NTRK3: variants seen among roughly 807,000 people sequenced by gnomAD.
NTRK3 encodes NT-3 growth factor receptor.
NTRK3 carries 24 observed loss-of-function variants against 91.7 expected under a neutral mutation model. The observed-to-expected ratio is 0.26, with a 90% CI of 0.19 to 0.37. The LOEUF is 0.37. NTRK3 is among the 10% of genes least tolerant of loss of function. The pLI is 1.00. For missense variants in NTRK3, 880 were observed against 1,068.9 expected (o/e 0.82, Z 2.46); for synonymous variants, 483 against 404.0 (o/e 1.20, Z -2.34).
At position 87,861,688 on chromosome 15, in the gene NTRK3, T is replaced by C. The variant is rs190313235; in HGVS notation, c.*15247A>G. 22 of 195,250 alleles carry C rather than the reference T, an allele frequency of 1.1e-4. No homozygotes were observed. The East Asian group carries it at 1.8e-3, about 16-fold the overall frequency. The allele number at this position is 195,250 out of a possible 1,614,324, so 12.1% of individuals were successfully genotyped here. A position where few individuals can be genotyped will look rare whatever the true frequency, so the allele number is the denominator to read the frequency against. On this transcript the variant is annotated 3_prime_UTR_variant, in exon 19 of 19. Coordinates refer to ENST00000394480, the Ensembl canonical transcript of NTRK3. ...AAGACTTTGGTGTTTGTAGGGCATT[T>C]GCCTTAAGAACCCAGAAGTAGCACT... is the stretch of plus-strand genomic sequence containing the variant.
At chr15:88,094,002 T>C (rs997287172) in intron 13 of NTRK3, among the ~76,000 whole-genome samples, 1 of 152,022 alleles carries the variant, frequency 6.6e-6, no homozygotes, top group South Asian at 2.1e-4. Context: ...GTGCCAGGAT[T>C]TGACCTAAAC....
intron 17 of NTRK3, among the ~76,000 whole-genome samples, chr15:87,924,211 T>C (rs1277150386): frequency 2.0e-5 from 3 of 152,158 alleles, no homozygotes; most frequent in South Asian, 2.1e-4. Context: ...TCAGGAATTA[T>C]AGGAGCAGAG....
intron 13 of NTRK3, among the ~76,000 whole-genome samples, chr15:88,121,643 CCCA>C (rs2052716067): frequency 6.6e-6 from 1 of 152,098 alleles, no homozygotes; most frequent in South Asian, 2.1e-4. Context: ...TGCCCTGAAC[CCCA>C]CAAGTACACA....
chr15:87,990,011 T>G (rs1323589088), intron 14 of NTRK3, among the ~76,000 whole-genome samples: 2 of 152,190 alleles, frequency 1.3e-5, no homozygotes. Flanking sequence ...ATTGTCTAAT[T>G]TGTTGCTGCT....
intron 13 of NTRK3, among the ~76,000 whole-genome samples, chr15:88,051,025 C>T (rs2080776882): frequency 6.6e-6 from 1 of 152,196 alleles, no homozygotes; most frequent in African/African-American, 2.4e-5. Context: ...GGTGTGTCTT[C>T]ATTCATAAAC....
intron 4 of NTRK3, among the ~76,000 whole-genome samples, chr15:88,183,844 C>T (rs964786538): frequency 6.6e-6 from 1 of 152,184 alleles, no homozygotes; most frequent in East Asian, 1.9e-4. Flanking sequence ...CCCACAGTCA[C>T]TAGTACCGAC....
rs1214896791 is a variant in NTRK3 at position 88,235,044 on chromosome 15, C to T, written c.248+20862G>A. Among the ~76,000 whole-genome samples the T allele has an allele frequency of 2.6e-5, 4 of 152,302 alleles. No individual in the cohort carries two copies. The highest frequency in any genetic ancestry group is 5.9e-5 in the Non-Finnish European group (4 of 68,018). Reference sequence around the variant, plus strand: ...GATCGAAGCTGGACAATCCATTCTCCGAGAGCCCAGACGCCCTACCCTTAC... The same window carrying T: ...GATCGAAGCTGGACAATCCATTCTCTGAGAGCCCAGACGCCCTACCCTTAC... On this transcript the variant is annotated intron_variant, in intron 3 of 18. Coordinates refer to ENST00000394480, the Ensembl canonical transcript of NTRK3. The surrounding 1 kb of genome is among the most constrained non-coding windows in gnomAD (Gnocchi z 5.2).
intron 3 of NTRK3, among the ~76,000 whole-genome samples, chr15:88,195,755 G>C (rs761113206): frequency 2.0e-5 from 3 of 152,162 alleles, no homozygotes; most frequent in Non-Finnish European, 4.4e-5. Flanking sequence ...CATTGATTTT[G>C]ACCCTTACTC....
At chr15:88,206,492 A>G (rs1304280726) in intron 3 of NTRK3, among the ~76,000 whole-genome samples, 3 of 147,634 alleles carry the variant, frequency 2.0e-5, no homozygotes, top group South Asian at 2.1e-4. Context: ...CCCCGTCTCT[A>G]CTAAAAATAC....
chr15:88,123,264 G>A (rs969604266), intron 13 of NTRK3, among the ~76,000 whole-genome samples: 2 of 152,166 alleles, frequency 1.3e-5, no homozygotes, highest in African/African-American at 4.8e-5. Flanking sequence ...GGAAACAGAG[G>A]CACTGAGAAG....
intron 17 of NTRK3, among the ~76,000 whole-genome samples, chr15:87,923,959 C>T (rs557350716): frequency 1.3e-5 from 2 of 152,308 alleles, no homozygotes; most frequent in South Asian, 2.1e-4. Flanking sequence ...TCTTGAACTG[C>T]CTAGCCTCCA....
At chr15:88,126,350 A>G in exon 13 of NTRK3, 4 of 1,614,000 alleles carry the variant, frequency 2.5e-6, no homozygotes, top group Non-Finnish European at 3.4e-6. Context: ...AGGCAAAAGC[A>G]GCAAGTCCAA....
At chr15:88,145,779 G>A (rs566612184) in intron 6 of NTRK3, among the ~76,000 whole-genome samples, 3 of 152,246 alleles carry the variant, frequency 2.0e-5, no homozygotes, top group Non-Finnish European at 4.4e-5. Flanking sequence ...TTACATGCAA[G>A]ACACCCAAGA....
intron 3 of NTRK3, among the ~76,000 whole-genome samples, chr15:88,242,103 A>G (rs2052413906): frequency 6.6e-6 from 1 of 152,198 alleles, no homozygotes; most frequent in Admixed American, 6.5e-5. Flanking sequence ...GCGCATGGAC[A>G]CACTGATGCG....
exon 18 of NTRK3, chr15:87,880,310 G>A (rs2141466825): frequency 1.9e-6 from 3 of 1,614,032 alleles, no homozygotes; most frequent in Non-Finnish European, 2.5e-6. Flanking sequence ...CTTTCCATAG[G>A]TGAAGATCTC....
At chr15:88,088,858 G>A (rs929512973) in intron 13 of NTRK3, among the ~76,000 whole-genome samples, 1 of 152,166 alleles carries the variant, frequency 6.6e-6, no homozygotes. Flanking sequence ...CTCCAGCTGT[G>A]TGACCCTGGG....
intron 3 of NTRK3, among the ~76,000 whole-genome samples, chr15:88,229,928 T>A (rs2051025354): frequency 6.6e-6 from 1 of 152,208 alleles, no homozygotes; most frequent in African/African-American, 2.4e-5. Context: ...AATGCGGCCA[T>A]TGTACAGAAC....
intron 13 of NTRK3, among the ~76,000 whole-genome samples, chr15:88,084,448 C>T (rs919986967): frequency 1.3e-5 from 2 of 152,184 alleles, no homozygotes; most frequent in African/African-American, 4.8e-5. Flanking sequence ...GCCAGGAGTT[C>T]CATTCTGCTT....
chr15:88,191,762 T>C (rs1377866475), intron 3 of NTRK3, among the ~76,000 whole-genome samples: 1 of 152,256 alleles, frequency 6.6e-6, no homozygotes, highest in Non-Finnish European at 1.5e-5. Context: ...TTTAGCATCA[T>C]AAACAAACCG....
Sources: gnomAD v4.1 joint callset for allele counts (sites outside exome capture counted in the v4.1 genomes callset) on GRCh38, gnomAD v4.1.1 for gene constraint, Gnocchi (gnomAD v3.1) non-coding constraint, MANE v1.5 for transcripts, NCBI Gene and HGNC (gene_info 2026-07-23, HGNC 2026-07-21) for gene names.